Variants in ADAMTS17 observed in about 807,000 individuals in gnomAD.
The protein encoded by ADAMTS17 is A disintegrin and metalloproteinase with thrombospondin motifs 17.
Under a neutral mutation model 141.5 loss-of-function variants are expected in ADAMTS17, and 113 were observed. The ratio of observed to expected loss-of-function variants is 0.80; its 90% CI spans 0.69 to 0.93. The LOEUF (loss-of-function observed/expected upper bound fraction) is 0.93. Among genes scored for constraint, ADAMTS17 ranks in the 40% least tolerant of loss-of-function variants. The probability of loss-of-function intolerance (pLI) is 0.00; values close to 1 mark genes in which losing one functional copy is unlikely to be tolerated. For missense variants in ADAMTS17, 1,659 were observed against 1,517.9 expected (o/e 1.09, Z -1.54); for synonymous variants, 768 against 630.6 (o/e 1.22, Z -3.27).
At chr15:100,261,360 G>A (rs2043509397) in intron 6 of ADAMTS17, 119 bp downstream of exon 6, 1 of 1,420,018 alleles carries the variant, frequency 7.0e-7, no homozygotes. Flanking sequence ...CCAAAACCCA[G>A]ACAGGTGGCC....
intron 18 of ADAMTS17, among the ~76,000 whole-genome samples, chr15:100,035,796 G>A (rs1171856088): frequency 6.6e-6 from 1 of 152,090 alleles, no homozygotes; most frequent in Admixed American, 6.5e-5. Context: ...GTCAAATCCT[G>A]CAAGAACCTG....
intron 14 of ADAMTS17, among the ~76,000 whole-genome samples, chr15:100,102,675 T>C (rs2036188706): frequency 6.6e-6 from 1 of 152,184 alleles, no homozygotes; most frequent in South Asian, 2.1e-4. Context: ...CTTTCGTAAC[T>C]AGTGCGAGGG....
intron 3 of ADAMTS17, among the ~76,000 whole-genome samples, chr15:100,284,154 G>A (rs541479858): frequency 6.6e-6 from 1 of 152,312 alleles, no homozygotes; most frequent in East Asian, 1.9e-4. Flanking sequence ...TACTGGGTAT[G>A]TGTCTTTCAA....
At chr15:100,301,236 C>T (rs1382720446) in intron 3 of ADAMTS17, among the ~76,000 whole-genome samples, 2 of 152,056 alleles carry the variant, frequency 1.3e-5, no homozygotes, top group African/African-American at 4.8e-5. Context: ...GGGATTTTAA[C>T]ACTTTTATAT....
chr15:100,172,021 G>A (rs1360069635), intron 8 of ADAMTS17, among the ~76,000 whole-genome samples: 1 of 152,168 alleles, frequency 6.6e-6, no homozygotes, highest in East Asian at 1.9e-4. Context: ...CAGCAACAAT[G>A]TAGACACTAA....
rs375653443 is a variant in ADAMTS17 at position 100,096,364 on chromosome 15, C to G, written c.2129G>C (p.Arg710Pro). ...CATGGGCCAACACTCACCTGTCCCC[C>G]GGGCGTGGCTGAAGTCGCCCTTCAC... Reference protein sequence around the residue: ...HLVKGDFSHARGTALKDSGKG... With the variant: ...HLVKGDFSHAPGTALKDSGKG... The change falls in exon 15 of 22, where the codon CGG becomes CCG. Residue 710 changes from arginine to proline, a missense_variant. Physicochemically the swap from Arg to Pro is moderately radical, Grantham distance 103. Coordinates refer to ENST00000268070, the MANE Select transcript of ADAMTS17 (RefSeq NM_139057.4). The G allele has an allele frequency of 6.2e-7, 1 of 1,613,776 alleles. No individual in the cohort carries two copies. Among genetic ancestry groups the G allele is most frequent in the South Asian group, 1.1e-5 (1 of 91,078 alleles).
intron 10 of ADAMTS17, among the ~76,000 whole-genome samples, chr15:100,136,177 G>A (rs544110471): frequency 6.6e-6 from 1 of 152,262 alleles, no homozygotes; most frequent in South Asian, 2.1e-4. Context: ...CAACCCAAAT[G>A]CCCATCAAGA....
intron 8 of ADAMTS17, among the ~76,000 whole-genome samples, chr15:100,185,966 C>A (rs1333054748): frequency 6.6e-6 from 1 of 152,018 alleles, no homozygotes. Flanking sequence ...ACACACTGGT[C>A]GTGTGAGTGC....
At position 100,341,040 on chromosome 15, in the gene ADAMTS17, A is replaced by C; in HGVS notation, c.449T>G (p.Leu150Arg). Residue 150 changes from leucine (L) to arginine (R), a missense_variant and splice_region_variant, in exon 2 of 22, where the codon CTG becomes CGG. Transcript: ENST00000268070. ...ACCCGGAGGTGGCGCGGGCAGTACC[A>C]GGCCGCCGGCGGCGCCGCAGGCGCT... ...SLSACGAAGG[L>R]VGLIQLGQEQ... The C allele has an allele frequency of 6.6e-7, 1 of 1,519,048 alleles. No homozygotes were observed. Among genetic ancestry groups the C allele is most frequent in the South Asian group, 1.2e-5 (1 of 83,676 alleles). 94.1% of individuals were successfully genotyped at this position (1,519,048 alleles called of 1,614,324 possible). A position where few individuals can be genotyped will look rare whatever the true frequency, so the allele number is the denominator to read the frequency against.
rs117956263 is a variant in ADAMTS17 at position 100,074,890 on chromosome 15, A to G, written c.2138-20836T>C. ...CTCTTATGACTTATTAATTTCCTCT[A>G]TACTTTATTTCCCTATTCTCTATTA... On this transcript the variant is annotated intron_variant, in intron 15 of 21. Coordinates refer to ENST00000268070, the MANE Select transcript of ADAMTS17 (RefSeq NM_139057.4). Among the ~76,000 whole-genome samples the G allele has an allele frequency of 4.6e-5, 7 of 152,224 alleles. No individual in the cohort carries two copies. The East Asian group carries it at 1.3e-3, about 29-fold the overall frequency.
chr15:100,329,368 T>C (rs1051157592), intron 3 of ADAMTS17, among the ~76,000 whole-genome samples: 7 of 151,784 alleles, frequency 4.6e-5, no homozygotes, highest in Non-Finnish European at 7.4e-5. Flanking sequence ...GTGAAACCCA[T>C]CTCTACCAAA....
At chr15:100,206,087 G>A (rs924711894) in intron 7 of ADAMTS17, among the ~76,000 whole-genome samples, 1 of 152,214 alleles carries the variant, frequency 6.6e-6, no homozygotes, top group Non-Finnish European at 1.5e-5. Context: ...CCCAGACCAT[G>A]GGTGGCTCCC....
intron 15 of ADAMTS17, among the ~76,000 whole-genome samples, chr15:100,056,609 C>T (rs1273081423): frequency 1.3e-5 from 2 of 152,144 alleles, no homozygotes; most frequent in Admixed American, 1.3e-4. Context: ...TGACAGGAGG[C>T]GCAGCTCAGG....
chr15:100,054,593 C>T (rs1452037210), intron 15 of ADAMTS17, among the ~76,000 whole-genome samples: 2 of 152,190 alleles, frequency 1.3e-5, no homozygotes, highest in Admixed American at 6.5e-5. Context: ...CTAAAGTGGA[C>T]GTCCCTTCAA....
At chr15:100,162,890 G>A (rs1356681048) in intron 8 of ADAMTS17, among the ~76,000 whole-genome samples, 2 of 143,762 alleles carry the variant, frequency 1.4e-5, no homozygotes, top group African/African-American at 2.5e-5. Flanking sequence ...ATATATATGT[G>A]TATATAGAAC....
intron 13 of ADAMTS17, among the ~76,000 whole-genome samples, chr15:100,110,390 G>A (rs1361441428): frequency 6.6e-6 from 1 of 151,004 alleles, no homozygotes; most frequent in Non-Finnish European, 1.5e-5. Flanking sequence ...TCAGCCTCCC[G>A]AGTAGCTGGG....
At chr15:100,068,447 C>T (rs1224430510) in intron 15 of ADAMTS17, among the ~76,000 whole-genome samples, 1 of 152,212 alleles carries the variant, frequency 6.6e-6, no homozygotes, top group East Asian at 1.9e-4. Flanking sequence ...AACAGAGAGA[C>T]TGCCTCCTCA....
chr15:100,130,256 T>G (rs1239774863), intron 12 of ADAMTS17, among the ~76,000 whole-genome samples: 1 of 151,048 alleles, frequency 6.6e-6, no homozygotes, highest in African/African-American at 2.4e-5. Flanking sequence ...CCCAGCTACT[T>G]GCGAGGCTGA....
intron 4 of ADAMTS17, among the ~76,000 whole-genome samples, chr15:100,265,439 G>A (rs2043678234): frequency 6.6e-6 from 1 of 152,228 alleles, no homozygotes; most frequent in Non-Finnish European, 1.5e-5. Context: ...CCGGCGTCCA[G>A]CTCTGGCGGC....
Sources: gnomAD v4.1 joint callset for allele counts (sites outside exome capture counted in the v4.1 genomes callset) on GRCh38, gnomAD v4.1.1 for gene constraint, MANE v1.5 for transcripts, NCBI Gene and HGNC (gene_info 2026-07-23, HGNC 2026-07-21) for gene names.